The following PTPRG variants were observed in gnomAD, a reference collection of about 807,000 sequenced individuals.
PTPRG encodes protein tyrosine phosphatase receptor type G, also known as receptor-type tyrosine-protein phosphatase gamma.
Under a neutral mutation model 165.3 loss-of-function variants are expected in PTPRG, and 102 were observed. The ratio of observed to expected loss-of-function variants is 0.62; its 90% CI spans 0.53 to 0.73. The LOEUF (loss-of-function observed/expected upper bound fraction) is 0.73. PTPRG is among the 30% of genes least tolerant of loss of function. The pLI is 0.00. For synonymous variants in PTPRG, 675 were observed against 669.5 expected, an observed-to-expected ratio of 1.01 and a Z score of -0.13; for missense variants, 1,866 against 1,861.4, an observed-to-expected ratio of 1.00 and a Z score of -0.05.
At chr3:61,861,023 A>G (rs1320218606) in intron 2 of PTPRG, among the ~76,000 whole-genome samples, 1 of 152,094 alleles carries the variant, frequency 6.6e-6, no homozygotes, top group East Asian at 1.9e-4. Context: ...TAAAACTGTC[A>G]TTTCAAGATG....
At chr3:62,259,884 GT>G (rs1213538596) in intron 16 of PTPRG, among the ~76,000 whole-genome samples, 2 of 152,274 alleles carry the variant, frequency 1.3e-5, no homozygotes, top group East Asian at 3.9e-4. Flanking sequence ...AGGGTATGGA[GT>G]TAATATTGTC....
At chr3:61,746,526 C>T (rs373543712) in intron 1 of PTPRG, among the ~76,000 whole-genome samples, 5 of 151,812 alleles carry the variant, frequency 3.3e-5, no homozygotes, top group Non-Finnish European at 7.4e-5. Context: ...ATTTTTTGGT[C>T]CCCCTGGCTT....
chr3:61,570,626 C>T (rs569505322), intron 1 of PTPRG, among the ~76,000 whole-genome samples: 1 of 152,256 alleles, frequency 6.6e-6, no homozygotes, highest in South Asian at 2.1e-4. Flanking sequence ...CTGCAGTGCA[C>T]TTAAATCAGA....
chr3:62,155,264 C>T (rs747198450), intron 6 of PTPRG, among the ~76,000 whole-genome samples: 3 of 152,202 alleles, frequency 2.0e-5, no homozygotes, highest in African/African-American at 7.2e-5. Flanking sequence ...CTGAGCCTCA[C>T]GAATAACTGC....
intron 28 of PTPRG, among the ~76,000 whole-genome samples, chr3:62,285,028 T>C (rs1702587924): frequency 6.6e-6 from 1 of 152,042 alleles, no homozygotes; most frequent in Non-Finnish European, 1.5e-5. Flanking sequence ...AGCAAAATCA[T>C]TAACATGACA....
chr3:61,736,237 C>T (rs1320321077), intron 1 of PTPRG, among the ~76,000 whole-genome samples: 3 of 150,512 alleles, frequency 2.0e-5, no homozygotes, highest in African/African-American at 7.3e-5. Flanking sequence ...TTTTAATCAT[C>T]ACTGACATAA....
chr3:62,097,673 AAATAG>A (rs1325785049), intron 5 of PTPRG, among the ~76,000 whole-genome samples: 1 of 152,222 alleles, frequency 6.6e-6, no homozygotes. Context: ...CATACTTATA[AAATAG>A]AACAAAGTGT....
intron 1 of PTPRG, among the ~76,000 whole-genome samples, chr3:61,592,643 TTCTTTC>T (rs973723940): frequency 5.3e-5 from 8 of 149,576 alleles, no homozygotes; most frequent in East Asian, 1.9e-4. Context: ...CTTTCTTTCT[TTCTTTC>T]TTTTTTTTTT....
At chr3:61,841,086 G>A (rs1413825117) in intron 2 of PTPRG, among the ~76,000 whole-genome samples, 2 of 152,048 alleles carry the variant, frequency 1.3e-5, no homozygotes, top group Non-Finnish European at 2.9e-5. Flanking sequence ...CCGGCCGATA[G>A]GTAGCTATCT....
chr3:61,904,715 A>ACCT (rs2038597160), intron 2 of PTPRG, among the ~76,000 whole-genome samples: 1 of 152,194 alleles, frequency 6.6e-6, no homozygotes, highest in Non-Finnish European at 1.5e-5. Context: ...TGGCTTAACA[A>ACCT]AGGTGTAAAT....
chr3:62,156,760 T>A (rs1704552746), intron 6 of PTPRG, among the ~76,000 whole-genome samples: 1 of 152,182 alleles, frequency 6.6e-6, no homozygotes, highest in African/African-American at 2.4e-5. Flanking sequence ...GAGATTTTGG[T>A]ATGCTAGAAT....
chr3:62,095,106 T>G (rs910103638), intron 5 of PTPRG, among the ~76,000 whole-genome samples: 1 of 152,210 alleles, frequency 6.6e-6, no homozygotes, highest in Non-Finnish European at 1.5e-5. Context: ...CAAAGTACCA[T>G]GCCTTCCATT....
chr3:62,203,057 G>T lies in PTPRG; in HGVS notation c.1378-116G>T. On this transcript the variant is annotated intron_variant, in intron 11 of 29. Coordinates refer to ENST00000474889, the MANE Select transcript of PTPRG (RefSeq NM_002841.4). This position sits in a 1 kb window ranked among gnomAD's most constrained non-coding sequence, Gnocchi z 6.4. ...CATTGGAAAACTCCATAGCATAGATGAGTAAAATCCTCAGAGGGTGACAAC... is the reference window on the plus strand; with the variant it reads ...CATTGGAAAACTCCATAGCATAGATTAGTAAAATCCTCAGAGGGTGACAAC... 3 of 1,480,858 alleles carry T rather than the reference G, an allele frequency of 2.0e-6. No individual in the cohort carries two copies. The highest frequency in any genetic ancestry group is 2.7e-6 in the Non-Finnish European group (3 of 1,113,852). The allele number at this position is 1,480,858 out of a possible 1,614,324, so 91.7% of individuals were successfully genotyped here.
At chr3:61,918,617 A>T (rs1182347624) in intron 2 of PTPRG, among the ~76,000 whole-genome samples, 1 of 152,200 alleles carries the variant, frequency 6.6e-6, no homozygotes, top group African/African-American at 2.4e-5. Flanking sequence ...TAATTATTGT[A>T]ACTTTAAGCT....
chr3:61,715,235 A>T (rs1248102415), intron 1 of PTPRG, among the ~76,000 whole-genome samples: 9 of 140,878 alleles, frequency 6.4e-5, no homozygotes, highest in African/African-American at 1.6e-4. Context: ...TTTGTTTTTG[A>T]GTCAGGGTTG....
At chr3:62,154,085 C>T (rs545575868) in intron 6 of PTPRG, among the ~76,000 whole-genome samples, 18 of 152,316 alleles carry the variant, frequency 1.2e-4, no homozygotes, top group Non-Finnish European at 1.9e-4. Flanking sequence ...TGGACTAAAT[C>T]GATGGTTTTC....
At chr3:61,606,212 G>A (rs1162871064) in intron 1 of PTPRG, among the ~76,000 whole-genome samples, 1 of 152,216 alleles carries the variant, frequency 6.6e-6, no homozygotes, top group Non-Finnish European at 1.5e-5. Flanking sequence ...CTTGCTGGTT[G>A]TTAGCAGAAC....
rs2106897833 is a variant in PTPRG at position 62,222,776 on chromosome 3, T to C, written c.2288+3793T>C. Among the ~76,000 whole-genome samples, 1 of 152,328 alleles carries C rather than the reference T, an allele frequency of 6.6e-6. No homozygotes were observed. The highest frequency in any genetic ancestry group is 1.9e-4 in the East Asian group (1 of 5,170). On this transcript the variant is annotated intron_variant, in intron 13 of 29. Coordinates refer to ENST00000474889, the MANE Select transcript of PTPRG (RefSeq NM_002841.4). The surrounding 1 kb of genome is among the most constrained non-coding windows in gnomAD (Gnocchi z 4.5). ...TGGAGCCATTTTCAGCTTCCTATTA[T>C]TTATGCAATGCTTACAGAGTTCCTG...
At chr3:62,283,016 T>A in intron 28 of PTPRG, 147 bp downstream of exon 28, 1 of 710,220 alleles carries the variant, frequency 1.4e-6, no homozygotes, top group Non-Finnish European at 2.3e-6. Flanking sequence ...TGTGGACATG[T>A]ACAAAGTGTT....
Sources: allele counts gnomAD v4.1 joint callset (sites outside exome capture counted in the v4.1 genomes callset), GRCh38; gene constraint gnomAD v4.1.1; non-coding constraint Gnocchi (gnomAD v3.1); transcripts MANE v1.5; gene names NCBI Gene and HGNC (gene_info 2026-07-23, HGNC 2026-07-21).